Variants in RELN observed in about 807,000 individuals in gnomAD.
RELN encodes the protein reelin.
Under a neutral mutation model 427.6 loss-of-function variants are expected in RELN, and 108 were observed. The ratio of observed to expected loss-of-function variants is 0.25; its 90% CI spans 0.22 to 0.30. The LOEUF is 0.30. Among genes scored for constraint, RELN ranks in the 10% least tolerant of loss-of-function variants. RELN has a pLI of 1.00. For missense variants in RELN, 3,715 were observed against 4,302.8 expected (o/e 0.86, Z 3.82); for synonymous variants, 1,524 against 1,513.4 (o/e 1.01, Z -0.16).
At chr7:103,760,652 C>A (rs1417464390) in intron 4 of RELN, among the ~76,000 whole-genome samples, 1 of 151,946 alleles carries the variant, frequency 6.6e-6, no homozygotes, top group East Asian at 1.9e-4. Context: ...GCCTTTGAGT[C>A]AGACAAGAAT....
At chr7:103,803,005 G>A (rs924287471) in intron 3 of RELN, among the ~76,000 whole-genome samples, 1 of 152,060 alleles carries the variant, frequency 6.6e-6, no homozygotes, top group Non-Finnish European at 1.5e-5. Flanking sequence ...TCAATATGTA[G>A]GATGAACATT....
At chr7:103,625,023 A>G (rs1832299005) in intron 20 of RELN, among the ~76,000 whole-genome samples, 1 of 152,244 alleles carries the variant, frequency 6.6e-6, no homozygotes. Flanking sequence ...CTCAAGCACC[A>G]TTAATGATAA....
At chr7:103,565,143 T>G in intron 34 of RELN, 135 bp downstream of exon 34, 1 of 1,187,018 alleles carries the variant, frequency 8.4e-7, no homozygotes, top group Non-Finnish European at 1.2e-6. Context: ...CACCTTGCAC[T>G]TTTTTTTCTT....
chr7:103,662,770 G>A (rs890773533), intron 11 of RELN, among the ~76,000 whole-genome samples: 1 of 152,038 alleles, frequency 6.6e-6, no homozygotes, highest in Non-Finnish European at 1.5e-5. Context: ...TTTGGAAAGA[G>A]GGGAGTTCAG....
chr7:103,733,912 C>T (rs1228956250), intron 6 of RELN, among the ~76,000 whole-genome samples: 1 of 144,540 alleles, frequency 6.9e-6, no homozygotes, highest in Admixed American at 7.0e-5. Flanking sequence ...GCACAATGTG[C>T]ACATGTACCC....
intron 46 of RELN, among the ~76,000 whole-genome samples, chr7:103,528,131 A>T (rs1185901618): frequency 2.6e-5 from 4 of 152,262 alleles, no homozygotes; most frequent in African/African-American, 9.6e-5. Context: ...ACAGCATAAA[A>T]GGTGGAAGGA....
At chr7:103,896,648 G>A (rs1251948722) in intron 2 of RELN, among the ~76,000 whole-genome samples, 3 of 151,936 alleles carry the variant, frequency 2.0e-5, no homozygotes, top group African/African-American at 7.3e-5. Context: ...TGAGATTAGG[G>A]TAATGATAGG....
chr7:103,842,936 C>G (rs911495219), intron 2 of RELN, among the ~76,000 whole-genome samples: 2 of 152,156 alleles, frequency 1.3e-5, no homozygotes, highest in African/African-American at 4.8e-5. Flanking sequence ...GAATGCCTCT[C>G]TGTGCCACGT....
chr7:103,564,929 T>C (rs760578527), intron 34 of RELN, among the ~76,000 whole-genome samples: 1 of 152,124 alleles, frequency 6.6e-6, no homozygotes, highest in Non-Finnish European at 1.5e-5. Context: ...GAAAAAAAAC[T>C]AAGGATACTC....
chr7:103,606,532 C>G (rs1831823992), intron 22 of RELN, among the ~76,000 whole-genome samples: 1 of 151,704 alleles, frequency 6.6e-6, no homozygotes, highest in Non-Finnish European at 1.5e-5. Flanking sequence ...CCTTCCAGCT[C>G]TCAAATATAA....
intron 1 of RELN, among the ~76,000 whole-genome samples, chr7:103,930,226 T>C (rs6954870): frequency 0.54 from 81,632 of 152,088 alleles, 22,736 homozygotes; most frequent in East Asian, 0.74. Flanking sequence ...ACTGTGTCCC[T>C]GCATGGCCTT....
At chr7:103,768,286 T>G (rs1400641896) in intron 4 of RELN, among the ~76,000 whole-genome samples, 2 of 151,934 alleles carry the variant, frequency 1.3e-5, no homozygotes, top group African/African-American at 4.8e-5. Flanking sequence ...AAACTCTAGC[T>G]CCTTGTCTAC....
chr7:103,506,373 C>T (rs1829212140), intron 51 of RELN, among the ~76,000 whole-genome samples: 1 of 152,174 alleles, frequency 6.6e-6, no homozygotes, highest in Non-Finnish European at 1.5e-5. Flanking sequence ...CTGCAGAAAC[C>T]CTACAAGCCA....
chr7:103,630,193 AGTC>A lies in RELN; in HGVS notation c.2466-20_2466-18del. The A allele has an allele frequency of 6.6e-7, 1 of 1,526,532 alleles. No homozygotes were observed. Among genetic ancestry groups the A allele is most frequent in the Non-Finnish European group, 9.1e-7 (1 of 1,102,536 alleles). The allele number at this position is 1,526,532 out of a possible 1,614,324, so 94.6% of individuals were successfully genotyped here. A position where few individuals can be genotyped will look rare whatever the true frequency, so the allele number is the denominator to read the frequency against. ...GAGATTATTCTAGAGAAAAAAAAAA[AGTC>A]AAAATTTAGATTATTTTGGTATCTT... On this transcript the variant is annotated intron_variant, in intron 19 of 64. Transcript: ENST00000428762.
intron 58 of RELN, 22 bp downstream of exon 58, chr7:103,491,931 T>C (rs778760280): frequency 1.9e-6 from 3 of 1,554,442 alleles, no homozygotes; most frequent in African/African-American, 2.8e-5. Flanking sequence ...TTGAAGATAA[T>C]GTTAAAAATT....
intron 36 of RELN, among the ~76,000 whole-genome samples, chr7:103,561,229 T>C (rs1473090824): frequency 2.6e-5 from 4 of 152,148 alleles, no homozygotes. Flanking sequence ...TTTAGTAACA[T>C]AAAATCTTAG....
intron 4 of RELN, among the ~76,000 whole-genome samples, chr7:103,753,474 A>G (rs1791057118): frequency 6.6e-6 from 1 of 152,206 alleles, no homozygotes; most frequent in African/African-American, 2.4e-5. Context: ...TGTTAGCTCT[A>G]ATTAAAGATT....
At chr7:103,693,842 G>T (rs903818691) in intron 10 of RELN, among the ~76,000 whole-genome samples, 3 of 152,082 alleles carry the variant, frequency 2.0e-5, no homozygotes, top group Non-Finnish European at 2.9e-5. Flanking sequence ...TTTCTTTATT[G>T]TTCCAAGGCC....
chr7:103,928,208 ATGGACTCAAATTCTGTATGC>A (rs1795787813), intron 1 of RELN, among the ~76,000 whole-genome samples: 1 of 152,202 alleles, frequency 6.6e-6, no homozygotes, highest in South Asian at 2.1e-4. Flanking sequence ...TTCAACACAG[ATGGACTCAAATTCTGTATGC>A]TGGACTCAAA....
Sources: allele counts gnomAD v4.1 joint callset (sites outside exome capture counted in the v4.1 genomes callset), GRCh38; gene constraint gnomAD v4.1.1; transcripts MANE v1.5; gene names NCBI Gene and HGNC (gene_info 2026-07-23, HGNC 2026-07-21).